The following FANCL variants were observed in gnomAD, a reference collection of about 807,000 sequenced individuals.
FANCL encodes the protein FA complementation group L.
A neutral mutation model predicts 59.4 loss-of-function variants in FANCL; 69 were observed. That is an observed-to-expected ratio of 1.16 (90% CI 0.96 to 1.42). The LOEUF is 1.42. FANCL is among the 40% of genes most tolerant of loss of function. The pLI is 0.00. For missense variants in FANCL, 519 were observed against 447.2 expected (o/e 1.16, Z -1.45); for synonymous variants, 180 against 147.1 (o/e 1.22, Z -1.62).
chr2:58,165,642 G>A (rs929073315), intron 8 of FANCL, 82 bp downstream of exon 8: 7 of 1,559,844 alleles, frequency 4.5e-6, no homozygotes, highest in Admixed American at 3.4e-5. Flanking sequence ...AGAAGTCTGA[G>A]TCCAACTGTC....
intron 5 of FANCL, among the ~76,000 whole-genome samples, chr2:58,219,151 AAAAAAAAAAAAAAAAAAAAAATATAT>A (rs1405778756): frequency 3.1e-5 from 2 of 65,424 alleles, no homozygotes; most frequent in African/African-American, 1.9e-4. Flanking sequence ...AAAAAAAAAA[AAAAAAAAAAAAAAAAAAAAAATATAT>A]ATATATATAT....
At chr2:58,226,212 C>G (rs1423885146) in intron 4 of FANCL, among the ~76,000 whole-genome samples, 3 of 152,014 alleles carry the variant, frequency 2.0e-5, no homozygotes, top group Non-Finnish European at 4.4e-5. Context: ...ATGTTGAAAA[C>G]TTGGGTAATA....
chr2:58,172,720 A>G (rs913245441), intron 7 of FANCL, among the ~76,000 whole-genome samples: 6 of 152,208 alleles, frequency 3.9e-5, no homozygotes, highest in Non-Finnish European at 8.8e-5. Flanking sequence ...AACTCTAAAA[A>G]GCAGAGCGCC....
chr2:58,216,278 G>A (rs368107475), intron 5 of FANCL, among the ~76,000 whole-genome samples: 1 of 152,170 alleles, frequency 6.6e-6, no homozygotes. Flanking sequence ...TTGCCAATCT[G>A]TTCCCAGTCT....
At chr2:58,237,794 T>C (rs1228546158) in intron 1 of FANCL, among the ~76,000 whole-genome samples, 1 of 152,178 alleles carries the variant, frequency 6.6e-6, no homozygotes, top group Non-Finnish European at 1.5e-5. Context: ...TTCCCTCCTT[T>C]TGAATATAGA....
At chr2:58,239,866 T>C (rs1258071125) in intron 1 of FANCL, among the ~76,000 whole-genome samples, 1 of 152,238 alleles carries the variant, frequency 6.6e-6, no homozygotes, top group African/African-American at 2.4e-5. Context: ...TTGTACTGTA[T>C]ATCCTTGCTA....
At chr2:58,162,843 A>G (rs763837257) in intron 11 of FANCL, 23 bp downstream of exon 11, 1 of 1,594,716 alleles carries the variant, frequency 6.3e-7, no homozygotes, top group African/African-American at 1.3e-5. Context: ...TGTCTGGAAT[A>G]TCAAAACACT....
rs760615591 is a variant in FANCL, at chr2:58,241,315, G to A, written c.-2C>T. The A allele has an allele frequency of 1.9e-6, 3 of 1,614,010 alleles. No individual in the cohort carries two copies. The highest frequency in any genetic ancestry group is 1.1e-5 in the South Asian group (1 of 91,078). ...CAGGCTCGCTTCCGTCACCGCCATG[G>A]CTCGAAGTCCGGAGAAACACAGAAA... is the stretch of plus-strand genomic sequence containing the variant. On this transcript the variant is annotated 5_prime_UTR_variant, in exon 1 of 14. Coordinates refer to ENST00000233741, the MANE Select transcript of FANCL (RefSeq NM_018062.4).
intron 7 of FANCL, among the ~76,000 whole-genome samples, chr2:58,170,572 C>T (rs1164321627): frequency 1.3e-5 from 2 of 151,812 alleles, no homozygotes; most frequent in East Asian, 3.9e-4. Flanking sequence ...CACAGACTGG[C>T]AAATTGGATA....
At chr2:58,186,732 T>C (rs1180223756) in intron 7 of FANCL, among the ~76,000 whole-genome samples, 1 of 152,150 alleles carries the variant, frequency 6.6e-6, no homozygotes, top group African/African-American at 2.4e-5. Flanking sequence ...CTTACAGCAT[T>C]AGAAAATCCC....
At chr2:58,178,483 CAT>C (rs1159021608) in intron 7 of FANCL, among the ~76,000 whole-genome samples, 3 of 152,102 alleles carry the variant, frequency 2.0e-5, no homozygotes, top group African/African-American at 7.2e-5. Context: ...ACAAAAACCA[CAT>C]GATTATCTCA....
At chr2:58,234,499 T>C (rs1693840738) in intron 1 of FANCL, among the ~76,000 whole-genome samples, 1 of 151,416 alleles carries the variant, frequency 6.6e-6, no homozygotes. Context: ...GAAAAGGAGT[T>C]GAAGTGGAAC....
At chr2:58,202,363 A>G (rs767594845) in intron 6 of FANCL, among the ~76,000 whole-genome samples, 51 of 151,336 alleles carry the variant, frequency 3.4e-4, no homozygotes, top group Non-Finnish European at 6.5e-4. Flanking sequence ...CCAAATTCAC[A>G]ATCTAGAACT....
chr2:58,187,258 C>T (rs891287175), intron 7 of FANCL, among the ~76,000 whole-genome samples: 2 of 152,042 alleles, frequency 1.3e-5, no homozygotes, highest in African/African-American at 4.8e-5. Flanking sequence ...AGTACATGTC[C>T]TTTGTTGGGA....
chr2:58,160,211 C>T (rs374143605), intron 12 of FANCL, 32 bp from the exon 13 acceptor site: 1 of 1,602,116 alleles, frequency 6.2e-7, no homozygotes, highest in Non-Finnish European at 8.6e-7. Context: ...GGAGAAGCGT[C>T]AGCATGATTA....
At chr2:58,187,727 T>C (rs1688545891) in intron 7 of FANCL, among the ~76,000 whole-genome samples, 1 of 152,132 alleles carries the variant, frequency 6.6e-6, no homozygotes, top group South Asian at 2.1e-4. Flanking sequence ...TATATAAAGC[T>C]TTAATGGTAG....
At chr2:58,205,818 T>A (rs894477751) in intron 5 of FANCL, among the ~76,000 whole-genome samples, 1 of 152,046 alleles carries the variant, frequency 6.6e-6, no homozygotes, top group Non-Finnish European at 1.5e-5. Flanking sequence ...GCAGAAATTA[T>A]GGGAATTTTT....
At chr2:58,197,235 T>C (rs1689523937) in intron 7 of FANCL, among the ~76,000 whole-genome samples, 1 of 151,800 alleles carries the variant, frequency 6.6e-6, no homozygotes, top group Non-Finnish European at 1.5e-5. Flanking sequence ...CATTTTGGCC[T>C]TGACAAGACT....
At chr2:58,171,783 C>T (rs752637829) in intron 7 of FANCL, among the ~76,000 whole-genome samples, 3 of 152,274 alleles carry the variant, frequency 2.0e-5, no homozygotes, top group Non-Finnish European at 2.9e-5. Flanking sequence ...GCACCATGCG[C>T]GAGCAGAAGC....
Sources: gnomAD v4.1 joint callset for allele counts (sites outside exome capture counted in the v4.1 genomes callset) on GRCh38, gnomAD v4.1.1 for gene constraint, MANE v1.5 for transcripts, NCBI Gene and HGNC (gene_info 2026-07-23, HGNC 2026-07-21) for gene names.